The following LPAR6 variants were observed in gnomAD, a reference collection of about 807,000 sequenced individuals.
LPAR6 encodes lysophosphatidic acid receptor 6.
A neutral mutation model predicts 22.0 loss-of-function variants in LPAR6; 17 were observed. That is an observed-to-expected ratio of 0.77 (90% CI 0.53 to 1.16). The LOEUF (loss-of-function observed/expected upper bound fraction) is 1.16, where lower values mean the gene tolerates loss of function less well. Among genes scored for constraint, LPAR6 ranks in the 50% most tolerant of loss-of-function variants. The probability of loss-of-function intolerance (pLI) is 0.00; values close to 1 mark genes in which losing one functional copy is unlikely to be tolerated. For synonymous variants in LPAR6, 136 were observed against 139.8 expected (o/e 0.97, Z 0.19); for missense variants, 384 against 406.9 (o/e 0.94, Z 0.48).
At position 48,412,354 on chromosome 13, in the gene LPAR6, A is replaced by ACATG. The variant is rs558917628; in HGVS notation, c.66_69dup (p.Phe24HisfsTer29). ...AACCCAAGCACAAACACCATGCTGA[A>ACATG]CATGCACCCATACAAAGTGTACTTA... On this transcript the variant is annotated frameshift_variant, in exon 1 of 1. Transcript: ENST00000620633. LOFTEE classifies it high-confidence loss of function. 2.1e-5 allele frequency: 34 copies of ACATG among 1,613,840 alleles called. No individual in the cohort carries two copies. In the South Asian group the frequency reaches 3.7e-4, roughly 18 times the overall value.
chr13:48,402,536 C>T (rs1332857653), intron 1 of LPAR6, among the ~76,000 whole-genome samples: 3 of 151,912 alleles, frequency 2.0e-5, no homozygotes, highest in African/African-American at 7.3e-5. Flanking sequence ...AGCCAACACA[C>T]CCAGCTAATT....
At chr13:48,419,976 C>A (rs975109903) in intron 2 of LPAR6, among the ~76,000 whole-genome samples, 1 of 152,180 alleles carries the variant, frequency 6.6e-6, no homozygotes, top group African/African-American at 2.4e-5. Context: ...GGAGCTGGTA[C>A]TATTCCTTCT....
At chr13:48,394,003 G>A (rs1210412078) in intron 1 of LPAR6, among the ~76,000 whole-genome samples, 1 of 152,208 alleles carries the variant, frequency 6.6e-6, no homozygotes, top group African/African-American at 2.4e-5. Flanking sequence ...AGCTGCCAGC[G>A]AGATCAACCC....
intron 1 of LPAR6, among the ~76,000 whole-genome samples, chr13:48,443,821 T>C (rs1949261486): frequency 6.6e-6 from 1 of 152,190 alleles, no homozygotes; most frequent in Admixed American, 6.5e-5. Flanking sequence ...TTTTTTCTTT[T>C]GGAAAAAAGA....
intron 1 of LPAR6, among the ~76,000 whole-genome samples, chr13:48,443,550 T>C (rs1221184960): frequency 6.6e-6 from 1 of 152,198 alleles, no homozygotes; most frequent in African/African-American, 2.4e-5. Flanking sequence ...AATGAGGTAA[T>C]ACATTCAAAT....
chr13:48,408,346 G>A (rs1948758191), downstream of LPAR6, among the ~76,000 whole-genome samples: 2 of 151,940 alleles, frequency 1.3e-5, no homozygotes, highest in Admixed American at 6.6e-5. Flanking sequence ...TCTAAGTTCA[G>A]AAATTATTAG....
At chr13:48,431,178 C>G (rs1949126039), upstream of LPAR6, among the ~76,000 whole-genome samples, 1 of 152,084 alleles carries the variant, frequency 6.6e-6, no homozygotes, top group Admixed American at 6.5e-5. Flanking sequence ...GTGGGAGATG[C>G]ATCTAAACAA....
At chr13:48,420,162 A>G (rs986930575) in intron 2 of LPAR6, among the ~76,000 whole-genome samples, 2 of 152,318 alleles carry the variant, frequency 1.3e-5, no homozygotes, top group Middle Eastern at 3.4e-3. Context: ...AACTGAATCC[A>G]TAGCACATCA....
chr13:48,426,519 TA>T (rs1286587582), intron 1 of LPAR6: 1 of 152,224 alleles, frequency 6.6e-6, no homozygotes, highest in African/African-American at 2.4e-5. Flanking sequence ...TTAGTCTTAA[TA>T]TCCTCTAATG....
At chr13:48,436,972 T>TA (rs1323210327) in intron 1 of LPAR6, among the ~76,000 whole-genome samples, 2 of 152,248 alleles carry the variant, frequency 1.3e-5, no homozygotes, top group African/African-American at 4.8e-5. Flanking sequence ...CTTACTTTGA[T>TA]AATCAGAATC....
downstream of LPAR6, chr13:48,411,006 G>C (rs994227927): frequency 6.6e-6 from 1 of 152,342 alleles, no homozygotes; most frequent in African/African-American, 2.4e-5. Flanking sequence ...ATGGTATGTT[G>C]AATAAAATAT....
intron 2 of LPAR6, among the ~76,000 whole-genome samples, chr13:48,420,184 C>T: frequency 6.6e-6 from 1 of 152,152 alleles, no homozygotes; most frequent in East Asian, 1.9e-4. Context: ...AAAGCTTATC[C>T]ACCACAAACA....
intron 2 of LPAR6, among the ~76,000 whole-genome samples, chr13:48,422,067 C>T (rs1243258866): frequency 6.6e-6 from 1 of 152,150 alleles, no homozygotes; most frequent in Non-Finnish European, 1.5e-5. Flanking sequence ...CACATGCACA[C>T]ATATGCTTAT....
rs759720690 is a variant in LPAR6 at position 48,422,355 on chromosome 13, C to T, written c.-954+295G>A. 3.9e-5 allele frequency among the ~76,000 whole-genome samples: 6 copies of T among 152,092 alleles called. 1 individual carries two copies. The highest frequency in any genetic ancestry group is 1.4e-4 in the African/African-American group (6 of 41,488). ...ACACAGGGAGGGGAACATCACACAT[C>T]GGGGCCTGTCGGGGTTGGGGGTTAG... On this transcript the variant is annotated intron_variant, in intron 2 of 4. Transcript: ENST00000345941.
At chr13:48,429,469 A>G (rs990880243), upstream of LPAR6, 1 of 152,208 alleles carries the variant, frequency 6.6e-6, no homozygotes, top group South Asian at 2.1e-4. Flanking sequence ...GTCGGAAAGT[A>G]GAAGGATTGT....
chr13:48,418,744 C>T (rs1181071513), intron 2 of LPAR6, among the ~76,000 whole-genome samples: 1 of 150,936 alleles, frequency 6.6e-6, no homozygotes, highest in Non-Finnish European at 1.5e-5. Flanking sequence ...CAATCCTAGT[C>T]TCTGATAAAA....
chr13:48,391,774 A>G (rs1467410691), intron 1 of LPAR6, among the ~76,000 whole-genome samples: 2 of 152,024 alleles, frequency 1.3e-5, no homozygotes, highest in Non-Finnish European at 2.9e-5. Flanking sequence ...ACACGCCACC[A>G]TGCCTAGCTA....
intron 1 of LPAR6, among the ~76,000 whole-genome samples, chr13:48,422,997 G>T (rs1949028510): frequency 6.6e-6 from 1 of 152,064 alleles, no homozygotes; most frequent in Non-Finnish European, 1.5e-5. Flanking sequence ...AAGTGTGGTG[G>T]TGGGCACCTG....
chr13:48,419,623 AATAG>A (rs1948973282), intron 2 of LPAR6, among the ~76,000 whole-genome samples: 2 of 152,324 alleles, frequency 1.3e-5, no homozygotes, highest in East Asian at 1.9e-4. Flanking sequence ...AGATTAACAA[AATAG>A]ATAGACCACT....
Sources: allele counts gnomAD v4.1 joint callset (sites outside exome capture counted in the v4.1 genomes callset), GRCh38; gene constraint gnomAD v4.1.1; transcripts MANE v1.5; gene names NCBI Gene and HGNC (gene_info 2026-07-23, HGNC 2026-07-21).